Variants in NIPAL4 observed in about 807,000 individuals in gnomAD.
NIPAL4 encodes the protein magnesium transporter NIPA4.
A neutral mutation model predicts 31.6 loss-of-function variants in NIPAL4; 21 were observed. That is an observed-to-expected ratio of 0.67 (90% CI 0.47 to 0.96). The LOEUF (loss-of-function observed/expected upper bound fraction) is 0.96, where lower values mean the gene tolerates loss of function less well. NIPAL4 is among the 40% of genes least tolerant of loss of function. The pLI is 0.00. For synonymous variants in NIPAL4, 175 were observed against 211.1 expected (o/e 0.83, Z 1.48); for missense variants, 438 against 508.0 (o/e 0.86, Z 1.32).
At chr5:157,460,495 AC>A in intron 1 of NIPAL4, 138 bp downstream of exon 1, 1 of 851,690 alleles carries the variant, frequency 1.2e-6, no homozygotes. Context: ...GGTGGCTCCC[AC>A]CCAGCTTTGA....
In NIPAL4 at chr5:157,472,757, G is replaced by A. The variant is rs751306075; in HGVS notation, c.1012G>A (p.Gly338Ser). 6.2e-7 allele frequency: 1 copy of A among 1,613,124 alleles called. No individual in the cohort carries two copies. The highest frequency in any genetic ancestry group is 1.3e-5 in the African/African-American group (1 of 74,844). ...CTCGGGCTTTGTCACCATCATCTTG[G>A]GCGTGTTCATGCTGCATGCTTTCAA... ...TLSGFVTIILGVFMLHAFKDL... is the reference protein window; with the variant it reads ...TLSGFVTIILSVFMLHAFKDL... The change falls in exon 6 of 6, where the codon GGC (glycine) becomes AGC (serine). Residue 338 changes from glycine to serine, a missense_variant. Gly to Ser is a moderately conservative substitution (Grantham distance 56). Transcript: ENST00000311946.
chr5:157,469,735 T>C (rs946576952), intron 4 of NIPAL4, among the ~76,000 whole-genome samples: 2 of 152,222 alleles, frequency 1.3e-5, no homozygotes, highest in African/African-American at 2.4e-5. Context: ...GGCGTAACCT[T>C]GGAACGCCGG....
At chr5:157,468,652 G>A in intron 3 of NIPAL4, 70 bp from the exon 4 acceptor site, 1 of 891,874 alleles carries the variant, frequency 1.1e-6, no homozygotes, top group Admixed American at 1.8e-5. Flanking sequence ...GTTGCACACG[G>A]AATTATTCGT....
At chr5:157,466,087 G>C (rs2113662776) in intron 2 of NIPAL4, among the ~76,000 whole-genome samples, 1 of 152,220 alleles carries the variant, frequency 6.6e-6, no homozygotes, top group East Asian at 1.9e-4. Flanking sequence ...AGGATGGTGG[G>C]AGGGAGGGAG....
At chr5:157,461,396 G>A (rs1046052282) in intron 1 of NIPAL4, among the ~76,000 whole-genome samples, 4 of 152,194 alleles carry the variant, frequency 2.6e-5, no homozygotes, top group African/African-American at 4.8e-5. Flanking sequence ...TGGGTGTTGC[G>A]GGCTTTACTG....
chr5:157,467,325 A>G (rs1754305076), intron 3 of NIPAL4: 1 of 526,630 alleles, frequency 1.9e-6, no homozygotes, highest in Non-Finnish European at 3.5e-6. Flanking sequence ...GTTTGCACAG[A>G]GCTGGCAACC....
In NIPAL4 at chr5:157,473,936, G is replaced by A. The variant is rs1754512766; in HGVS notation, c.*976G>A. The A allele has an allele frequency of 6.6e-6, 1 of 152,280 alleles. No homozygotes were observed. The highest frequency in any genetic ancestry group is 2.1e-4 in the South Asian group (1 of 4,832). 9.4% of individuals were successfully genotyped at this position (152,280 alleles called of 1,614,324 possible). Reference sequence around the variant, plus strand: ...TGGGAAGAGGATGAGGAGCAAAGTTGGGATTTGGCAGAAGGCAGTCCCAGG... The same window carrying A: ...TGGGAAGAGGATGAGGAGCAAAGTTAGGATTTGGCAGAAGGCAGTCCCAGG... On this transcript the variant is annotated 3_prime_UTR_variant, in exon 6 of 6. Transcript: ENST00000311946.
chr5:157,470,661 T>A (rs1200469686), intron 4 of NIPAL4, among the ~76,000 whole-genome samples: 2 of 152,192 alleles, frequency 1.3e-5, no homozygotes, highest in Non-Finnish European at 2.9e-5. Flanking sequence ...TTACACTGGC[T>A]TATACAAATG....
intron 3 of NIPAL4, chr5:157,467,558 A>AT: frequency 5.7e-6 from 1 of 174,904 alleles, no homozygotes; most frequent in Admixed American, 5.6e-5. Flanking sequence ...CTTTCCACCC[A>AT]CCCTCTCCTG....
Position 157,460,310 on chromosome 5 carries a change from C to A in NIPAL4, c.-11C>A. ...GTCCGCCCGCGCGTCGGTTCGTGTG[C>A]CCCGGGCCCCATGGAGCTGCGGGTC... is the stretch of plus-strand genomic sequence containing the variant. On this transcript the variant is annotated 5_prime_UTR_variant, in exon 1 of 6. Transcript: ENST00000311946. The A allele has an allele frequency of 1.3e-6, 2 of 1,547,954 alleles. No individual in the cohort carries two copies. Among genetic ancestry groups the A allele is most frequent in the Non-Finnish European group, 1.7e-6 (2 of 1,146,146 alleles).
Position 157,468,825 on chromosome 5 carries a change from T to G in NIPAL4, c.425+13T>G. ...GTGTCCTCATAAGGTTATTGTCCCC[T>G]CTCTAGCTCTCTCTTTTTCTATTCC... On this transcript the variant is annotated intron_variant, in intron 4 of 5. Coordinates refer to ENST00000311946, the MANE Select transcript of NIPAL4 (RefSeq NM_001099287.2). The G allele has an allele frequency of 3.3e-6, 5 of 1,514,886 alleles. No individual in the cohort carries two copies. Among genetic ancestry groups the G allele is most frequent in the Non-Finnish European group, 4.5e-6 (5 of 1,107,724 alleles). 93.8% of individuals were successfully genotyped at this position (1,514,886 alleles called of 1,614,324 possible).
rs201759529 is a variant in NIPAL4 at position 157,471,815 on chromosome 5, C to T, written c.584C>T (p.Thr195Ile). The T allele has an allele frequency of 3.3e-5, 52 of 1,582,974 alleles. No homozygotes were observed. In the African/African-American group the frequency reaches 6.2e-4, roughly 19 times the overall value. Residue 195 changes from threonine to isoleucine, a missense_variant and splice_region_variant, in exon 5 of 6, where the codon ACA (threonine) becomes ATA (isoleucine). Physicochemically the swap from Thr to Ile is moderately conservative, Grantham distance 89. Coordinates refer to ENST00000311946, the MANE Select transcript of NIPAL4 (RefSeq NM_001099287.2). ...IMEMASKMKD[T>I]GFIVFAVLLL... Reference sequence around the variant, plus strand: ...GAGATGGCTTCCAAGATGAAAGACACAGGTAGACTCCAAGCCCCTGAAGAG... The same window carrying T: ...GAGATGGCTTCCAAGATGAAAGACATAGGTAGACTCCAAGCCCCTGAAGAG...
At chr5:157,461,978 G>A (rs552573486) in intron 1 of NIPAL4, among the ~76,000 whole-genome samples, 1 of 152,216 alleles carries the variant, frequency 6.6e-6, no homozygotes, top group Non-Finnish European at 1.5e-5. Context: ...AGAGTTGCTT[G>A]ACCATGGACT....
chr5:157,468,667 A>C (rs1754346030), intron 3 of NIPAL4, 55 bp from the exon 4 acceptor site: 1 of 979,212 alleles, frequency 1.0e-6, no homozygotes, highest in South Asian at 1.3e-5. Context: ...ATTCGTCTGG[A>C]ATGGAGATGG....
At chr5:157,464,623 C>T (rs529427807) in intron 2 of NIPAL4, among the ~76,000 whole-genome samples, 32 of 151,256 alleles carry the variant, frequency 2.1e-4, no homozygotes, top group East Asian at 9.8e-4. Context: ...GGAGGAGGGG[C>T]GGGGGAAGGA....
In NIPAL4 at chr5:157,463,075, C is replaced by T. The variant is rs934923440; in HGVS notation, c.38-19C>T. On this transcript the variant is annotated intron_variant, in intron 1 of 5. Transcript: ENST00000311946. The stretch of plus-strand genomic sequence containing the variant: ...AATTGTCCCCAGTGTGACTCTCTCA[C>T]TGTGGTCTTCCCATCCAGGTTCCCT... 1 of 1,613,490 alleles carries T rather than the reference C, an allele frequency of 6.2e-7. No homozygotes were observed. The highest frequency in any genetic ancestry group is 8.5e-7 in the Non-Finnish European group (1 of 1,179,458).
chr5:157,464,964 C>T (rs1297542663), intron 2 of NIPAL4, among the ~76,000 whole-genome samples: 1 of 152,100 alleles, frequency 6.6e-6, no homozygotes, highest in Non-Finnish European at 1.5e-5. Context: ...TCATACCTAG[C>T]ACAGAGTAGC....
Position 157,472,965 on chromosome 5 carries a change from TG to T in NIPAL4, c.*7del, listed in dbSNP as rs781481775. Reference sequence around the variant, plus strand: ...GTATTTATAATCCATTCCTGAAGCTTGGAATATGTGAGTGAGAGGATGAGTC... The same window carrying T: ...GTATTTATAATCCATTCCTGAAGCTTGAATATGTGAGTGAGAGGATGAGTC... On this transcript the variant is annotated 3_prime_UTR_variant, in exon 6 of 6. Transcript: ENST00000311946. 18 of 1,508,464 alleles carry T rather than the reference TG, an allele frequency of 1.2e-5. No individual in the cohort carries two copies. The highest frequency in any genetic ancestry group is 1.8e-4 in the Middle Eastern group (1 of 5,580). The allele number at this position is 1,508,464 out of a possible 1,614,324, so 93.4% of individuals were successfully genotyped here.
intron 1 of NIPAL4, among the ~76,000 whole-genome samples, chr5:157,461,752 C>T (rs182099814): frequency 9.5e-4 from 144 of 152,356 alleles, no homozygotes; most frequent in African/African-American, 3.0e-3. Flanking sequence ...CCAGTGGGTG[C>T]TGGATCCAGA....
Sources: gnomAD v4.1 joint callset for allele counts (sites outside exome capture counted in the v4.1 genomes callset) on GRCh38, gnomAD v4.1.1 for gene constraint, MANE v1.5 for transcripts, NCBI Gene and HGNC (gene_info 2026-07-23, HGNC 2026-07-21) for gene names.